INPP5D: variants seen among roughly 807,000 people sequenced by gnomAD.
INPP5D encodes phosphatidylinositol 3,4,5-trisphosphate 5-phosphatase 1.
INPP5D carries 33 observed loss-of-function variants against 122.9 expected under a neutral mutation model. The observed-to-expected ratio is 0.27, with a 90% CI of 0.20 to 0.36. The LOEUF (loss-of-function observed/expected upper bound fraction) is 0.36. Ranked by LOEUF, INPP5D falls within the 10% of genes least tolerant of loss-of-function variation. INPP5D has a pLI of 1.00. For synonymous variants in INPP5D, 584 were observed against 576.2 expected (o/e 1.01, Z -0.19); for missense variants, 1,053 against 1,412.7 (o/e 0.75, Z 4.08).
In INPP5D at chr2:233,185,864, G is replaced by C. The variant is rs1463796512; in HGVS notation, c.2297G>C (p.Gly766Ala). Residue 766 changes from glycine (G) to alanine (A), a missense_variant, in exon 21 of 27, where the codon GGA (glycine) becomes GCA (alanine). Gly to Ala is a moderately conservative substitution (Grantham distance 60, BLOSUM62 0). Coordinates refer to ENST00000445964, the MANE Select transcript of INPP5D (RefSeq NM_001017915.3). ...CLESFVKSQE[G>A]ENEEGSEGEL... ...ACAGGTTTTGTCAAGAGTCAGGAAG[G>C]AGAAAATGAAGAAGGAAGTGAGGGG... 1 of 1,608,800 alleles carries C rather than the reference G, an allele frequency of 6.2e-7. No homozygotes were observed. The highest frequency in any genetic ancestry group is 2.2e-5 in the East Asian group (1 of 44,706).
At position 233,082,374 on chromosome 2, in the gene INPP5D, A is replaced by C. The variant is rs1247614776; in HGVS notation, c.198+2976A>C. Among the ~76,000 whole-genome samples the C allele has an allele frequency of 6.6e-6, 1 of 152,230 alleles. No individual in the cohort carries two copies. The highest frequency in any genetic ancestry group is 2.1e-4 in the South Asian group (1 of 4,824). On this transcript the variant is annotated intron_variant, in intron 2 of 26. Transcript: ENST00000445964. The surrounding 1 kb of genome is among the most constrained non-coding windows in gnomAD (Gnocchi z 4.7). ...TATTTTAACTCAAGTTCCTCTTTTCATGTTGAGGCAAAACCTCACAGTCTT... is the reference window on the plus strand; with the variant it reads ...TATTTTAACTCAAGTTCCTCTTTTCCTGTTGAGGCAAAACCTCACAGTCTT...
chr2:233,170,224 T>G lies in INPP5D; in HGVS notation c.1791+60T>G, dbSNP rs1050929421. 1.9e-6 allele frequency: 3 copies of G among 1,582,042 alleles called. No homozygotes were observed. The highest frequency in any genetic ancestry group is 2.7e-5 in the African/African-American group (2 of 74,032). ...TGTATGAGATGGAGGCTCCCTTGAGTCAGCTTGGGGCAGGTGGTCGTGGAG... is the reference window on the plus strand; with the variant it reads ...TGTATGAGATGGAGGCTCCCTTGAGGCAGCTTGGGGCAGGTGGTCGTGGAG... On this transcript the variant is annotated intron_variant, in intron 15 of 26. Coordinates refer to ENST00000445964, the MANE Select transcript of INPP5D (RefSeq NM_001017915.3). This position sits in a 1 kb window ranked among gnomAD's most constrained non-coding sequence, Gnocchi z 4.5.
chr2:233,139,466 C>CTGTGTG (rs1191977468), intron 5 of INPP5D, among the ~76,000 whole-genome samples: 1,880 of 147,510 alleles, frequency 0.013, 28 homozygotes, highest in South Asian at 0.046. Flanking sequence ...TTGTTAACAC[C>CTGTGTG]TGTGTGTGTG....
At chr2:233,203,363 G>C (rs1189088165) in intron 25 of INPP5D, among the ~76,000 whole-genome samples, 1 of 152,168 alleles carries the variant, frequency 6.6e-6, no homozygotes, top group Non-Finnish European at 1.5e-5. Context: ...GAGGATGAGG[G>C]GTTGATACTG....
intron 2 of INPP5D, among the ~76,000 whole-genome samples, chr2:233,103,343 C>T (rs1326529295): frequency 6.6e-6 from 1 of 152,158 alleles, no homozygotes; most frequent in East Asian, 1.9e-4. Context: ...TTTAATTTGC[C>T]TAAATTGTAC....
chr2:233,115,569 C>T (rs969707655), intron 2 of INPP5D, among the ~76,000 whole-genome samples: 5 of 152,152 alleles, frequency 3.3e-5, no homozygotes, highest in African/African-American at 1.2e-4. Context: ...TCGTCCTGAA[C>T]CCCAGGGCCA....
intron 4 of INPP5D, 82 bp downstream of exon 4, chr2:233,126,001 C>A: frequency 1.5e-6 from 2 of 1,369,244 alleles, no homozygotes; most frequent in Non-Finnish European, 2.0e-6. Context: ...GGGTTTCGAT[C>A]CTAGTTATGG....
intron 23 of INPP5D, among the ~76,000 whole-genome samples, chr2:233,194,339 C>T (rs1044765174): frequency 6.6e-6 from 1 of 152,182 alleles, no homozygotes; most frequent in African/African-American, 2.4e-5. Context: ...GCCACAGCTA[C>T]AGCTGCAGAT....
rs968593154 is a variant in INPP5D at position 233,125,807 on chromosome 2, T to C, written c.412T>C (p.Cys138Arg). 3.7e-6 allele frequency: 6 copies of C among 1,613,866 alleles called. No homozygotes were observed. In the East Asian group the frequency reaches 6.7e-5, roughly 18 times the overall value. Reference protein sequence around the residue: ...PRNIPLTASSCEAKEVPFSNE... With the variant: ...PRNIPLTASSREAKEVPFSNE... ...AAACATCCCGCTGACTGCCAGCTCC[T>C]GTGAGGCCAAGGAGGTTCCTTTTTC... Residue 138 changes from cysteine (C) to arginine (R), a missense_variant, in exon 4 of 27, where the codon TGT (cysteine) becomes CGT (arginine). Around this residue, in one of 6 missense-constraint regions of INPP5D, gnomAD observed 196 missense variants for 175.6 expected, o/e 1.12. Transcript: ENST00000445964.
At chr2:233,137,245 A>G (rs964311632) in intron 5 of INPP5D, among the ~76,000 whole-genome samples, 1 of 152,170 alleles carries the variant, frequency 6.6e-6, no homozygotes, top group Non-Finnish European at 1.5e-5. Flanking sequence ...TCCAAAGATG[A>G]GTCAACAAAA....
At chr2:233,102,373 G>T (rs369796844) in intron 2 of INPP5D, among the ~76,000 whole-genome samples, 1 of 152,112 alleles carries the variant, frequency 6.6e-6, no homozygotes. Flanking sequence ...CCCAGTCCCC[G>T]CCTCTCCCTA....
At position 233,207,420 on chromosome 2, in the gene INPP5D, T is replaced by C. The variant is rs1055796879; in HGVS notation, c.*712T>C. 3 of 152,484 alleles carry C rather than the reference T, an allele frequency of 2.0e-5. No homozygotes were observed. The highest frequency in any genetic ancestry group is 7.2e-5 in the African/African-American group (3 of 41,420). The allele number at this position is 152,484 out of a possible 1,614,324, so 9.4% of individuals were successfully genotyped here. ...AGCAGGGATCTACCTGGCTTCTCAGTTCTTTGGTTGGAAGGAGCAGGAAAT... is the reference window on the plus strand; with the variant it reads ...AGCAGGGATCTACCTGGCTTCTCAGCTCTTTGGTTGGAAGGAGCAGGAAAT... On this transcript the variant is annotated 3_prime_UTR_variant, in exon 27 of 27. Transcript: ENST00000445964. The surrounding 1 kb of genome is among the most constrained non-coding windows in gnomAD (Gnocchi z 4.6).
At chr2:233,121,861 C>T (rs375485296) in intron 2 of INPP5D, among the ~76,000 whole-genome samples, 31 of 152,166 alleles carry the variant, frequency 2.0e-4, no homozygotes, top group Admixed American at 1.6e-3. Context: ...TTTTTAAAAA[C>T]GGAAAGAAAA....
intron 20 of INPP5D, 75 bp downstream of exon 20, chr2:233,184,596 T>C (rs1339439437): frequency 6.4e-7 from 1 of 1,560,268 alleles, no homozygotes; most frequent in Non-Finnish European, 8.7e-7. Flanking sequence ...TACTTGGCAC[T>C]TTGCCCCATA....
Position 233,204,199 on chromosome 2 carries a change from T to A in INPP5D, c.3049T>A (p.Phe1017Ile). The part of the protein sequence containing the change: ...EDLPLTKPEM[F>I]ENPLYGSLSS... ...CCTGCCGCTGACGAAGCCCGAGATGTTTGAGAACCCCCTGTATGGGTCCCT... is the reference window on the plus strand; with the variant it reads ...CCTGCCGCTGACGAAGCCCGAGATGATTGAGAACCCCCTGTATGGGTCCCT... The change falls in exon 26 of 27, where the codon TTT (phenylalanine) becomes ATT (isoleucine). Residue 1017 changes from phenylalanine to isoleucine, a missense_variant. Transcript: ENST00000445964. 3 of 1,612,516 alleles carry A rather than the reference T, an allele frequency of 1.9e-6. No homozygotes were observed. Among genetic ancestry groups the A allele is most frequent in the Non-Finnish European group, 2.5e-6 (3 of 1,179,434 alleles).
intron 18 of INPP5D, among the ~76,000 whole-genome samples, chr2:233,178,248 G>C (rs1013888193): frequency 6.6e-6 from 1 of 152,034 alleles, no homozygotes; most frequent in Non-Finnish European, 1.5e-5. Flanking sequence ...CCTGGGCAAC[G>C]TAGACTCCAT....
chr2:233,116,217 A>T (rs1692783485), intron 2 of INPP5D, among the ~76,000 whole-genome samples: 1 of 148,184 alleles, frequency 6.7e-6, no homozygotes, highest in South Asian at 2.1e-4. Context: ...ATATATGTAG[A>T]TATATATGTA....
At chr2:233,127,931 G>A (rs1693211342) in intron 4 of INPP5D, among the ~76,000 whole-genome samples, 1 of 152,198 alleles carries the variant, frequency 6.6e-6, no homozygotes, top group Admixed American at 6.5e-5. Context: ...TTAACAAATA[G>A]AACTGCCTGT....
chr2:233,083,158 C>T (rs535798992), intron 2 of INPP5D, among the ~76,000 whole-genome samples: 1 of 152,300 alleles, frequency 6.6e-6, no homozygotes, highest in East Asian at 1.9e-4. Flanking sequence ...GCAAGGACTG[C>T]CAAGAAACTG....
Sources: gnomAD v4.1 joint callset for allele counts (sites outside exome capture counted in the v4.1 genomes callset) on GRCh38, gnomAD v4.1.1 for gene constraint, gnomAD v4.1.1 regional missense constraint, Gnocchi (gnomAD v3.1) non-coding constraint, MANE v1.5 for transcripts, NCBI Gene and HGNC (gene_info 2026-07-23, HGNC 2026-07-21) for gene names.